Variants in HJURP observed in about 807,000 individuals in gnomAD.
HJURP encodes the protein Holliday junction recognition protein.
Under a neutral mutation model 72.0 loss-of-function variants are expected in HJURP, and 49 were observed. The observed-to-expected ratio is 0.68, with a 90% confidence interval of 0.54 to 0.86. The LOEUF (loss-of-function observed/expected upper bound fraction) is 0.86, where lower values mean the gene tolerates loss of function less well. HJURP is among the 40% of genes least tolerant of loss of function. The pLI is 0.00. For synonymous variants in HJURP, 357 were observed against 347.1 expected, an observed-to-expected ratio of 1.03 and a Z score of -0.32; for missense variants, 908 against 936.3, an observed-to-expected ratio of 0.97 and a Z score of 0.39.
chr2:233,845,865 T>C (rs1705350320), intron 5 of HJURP, 45 bp from the exon 6 acceptor site: 5 of 1,257,138 alleles, frequency 4.0e-6, no homozygotes, highest in Non-Finnish European at 4.6e-6. Context: ...CTTCTGAGTA[T>C]AGCTGACCTT....
chr2:233,848,949 G>A (rs927586486), intron 4 of HJURP, among the ~76,000 whole-genome samples: 4 of 152,244 alleles, frequency 2.6e-5, no homozygotes, highest in Non-Finnish European at 5.9e-5. Context: ...GGGGGCCACA[G>A]AGGCCCAGGC....
At chr2:233,847,517 C>G (rs1705393315) in intron 4 of HJURP, 56 bp from the exon 5 acceptor site, 6 of 1,457,390 alleles carry the variant, frequency 4.1e-6, no homozygotes, top group Non-Finnish European at 4.8e-6. Context: ...GTGCATTTTC[C>G]TCTCAAGGAT....
intron 7 of HJURP, 66 bp downstream of exon 7, chr2:233,844,139 G>T (rs1006340855): frequency 8.5e-6 from 11 of 1,301,662 alleles, no homozygotes; most frequent in Middle Eastern, 1.8e-4. Context: ...GCTCTGAGGG[G>T]CCACGCAGCT....
At chr2:233,842,517 A>T (rs1705258243) in intron 7 of HJURP, among the ~76,000 whole-genome samples, 1 of 152,194 alleles carries the variant, frequency 6.6e-6, no homozygotes, top group African/African-American at 2.4e-5. Context: ...CATGGATGGG[A>T]AGGGGTGTAA....
At position 233,852,566 on chromosome 2, in the gene HJURP, T is replaced by A; in HGVS notation, c.239A>T (p.Gln80Leu). The A allele has an allele frequency of 6.3e-7, 1 of 1,596,226 alleles. No homozygotes were observed. ...LIKERNEGEIQDSSMKPADRT... is the reference protein window; with the variant it reads ...LIKERNEGEILDSSMKPADRT... Reference sequence around the variant, plus strand: ...GCAATAAAATTTGACACTAAATACCTGGATCTCTCCTTCGTTTCTTTCCTT... The same window carrying A: ...GCAATAAAATTTGACACTAAATACCAGGATCTCTCCTTCGTTTCTTTCCTT... Residue 80 changes from glutamine to leucine, a missense_variant and splice_region_variant, in exon 3 of 9, where the codon CAG becomes CTG. Coordinates refer to ENST00000411486, the MANE Select transcript of HJURP (RefSeq NM_018410.5).
intron 4 of HJURP, among the ~76,000 whole-genome samples, chr2:233,849,010 T>C (rs1434690682): frequency 1.3e-5 from 2 of 152,132 alleles, no homozygotes; most frequent in Non-Finnish European, 2.9e-5. Context: ...ACCCAAAGAA[T>C]AAAACCCAAA....
At position 233,841,362 on chromosome 2, in the gene HJURP, C is replaced by G. The variant is rs1312077121; in HGVS notation, c.1418G>C (p.Ser473Thr). 1.9e-6 allele frequency: 3 copies of G among 1,614,054 alleles called. No homozygotes were observed. The South Asian group carries it at 3.3e-5, about 18-fold the overall frequency. ...TTCTAAGCCCTGAAGGCCACCAGGA[C>G]TCGCAGGACCCCCTCTGTACATGTT... ...AMNMYRGGPA[S>T]PGGLQGLETR... Residue 473 changes from serine to threonine, a missense_variant, in exon 8 of 9, where the codon AGT becomes ACT. Transcript: ENST00000411486.
At chr2:233,849,555 T>C (rs10178253) in intron 4 of HJURP, among the ~76,000 whole-genome samples, 3,823 of 152,272 alleles carry the variant, frequency 0.025, 151 homozygotes, top group African/African-American at 0.085. Context: ...CTGAGTACCA[T>C]TCATATGTCA....
intron 4 of HJURP, among the ~76,000 whole-genome samples, chr2:233,847,876 T>C (rs1705406544): frequency 1.3e-5 from 2 of 152,234 alleles, no homozygotes; most frequent in Non-Finnish European, 2.9e-5. Flanking sequence ...GATTTTAAAT[T>C]TTATTTCACT....
rs764962556 is a variant in HJURP, at chr2:233,840,670, C to A, written c.2110G>T (p.Val704Leu). 6.2e-7 allele frequency: 1 copy of A among 1,613,688 alleles called. No homozygotes were observed. Among genetic ancestry groups the A allele is most frequent in the Admixed American group, 1.7e-5 (1 of 59,854 alleles). ...QGNSLGASDGVDNTVRPGDQG... is the reference protein window; with the variant it reads ...QGNSLGASDGLDNTVRPGDQG... The stretch of plus-strand genomic sequence containing the variant: ...TCTCCCGGTCTGACGGTGTTGTCCA[C>A]CCCATCTGAGGCACCCAGGGAATTG... The change falls in exon 8 of 9, where the codon GTG (valine) becomes TTG (leucine). Residue 704 changes from valine to leucine, a missense_variant. Around this residue, in one of 3 missense-constraint regions of HJURP, gnomAD observed 598 missense variants for 619.5 expected, o/e 0.97. Coordinates refer to ENST00000411486, the MANE Select transcript of HJURP (RefSeq NM_018410.5).
intron 5 of HJURP, 83 bp downstream of exon 5, chr2:233,847,314 C>T (rs944406205): frequency 3.4e-5 from 36 of 1,066,258 alleles, no homozygotes; most frequent in Non-Finnish European, 2.0e-5. Context: ...CAGCGCTGCC[C>T]GCCTCAGGCC....
Position 233,841,448 on chromosome 2 carries a change from T to C in HJURP, c.1332A>G (p.Glu444=), listed in dbSNP as rs1411858938. The C allele has an allele frequency of 6.8e-6, 11 of 1,614,222 alleles. No homozygotes were observed. Among genetic ancestry groups the C allele is most frequent in the Non-Finnish European group, 9.3e-6 (11 of 1,180,036 alleles). The change falls in exon 8 of 9, where the codon GAA becomes GAG. Residue 444 remains glutamate (E), a synonymous_variant. Transcript: ENST00000411486. ...IEIRFDQLHR[E]YCLSPRNQPR... Reference sequence around the variant, plus strand: ...GCTGGTTCCTGGGACTCAGGCAATATTCCCGATGAAGCTGATCAAATCGGA... The same window carrying C: ...GCTGGTTCCTGGGACTCAGGCAATACTCCCGATGAAGCTGATCAAATCGGA...
intron 5 of HJURP, 125 bp downstream of exon 5, chr2:233,847,272 G>A (rs1311313981): frequency 4.1e-6 from 3 of 723,388 alleles, no homozygotes; most frequent in Non-Finnish European, 7.4e-6. Flanking sequence ...GCAAAAGCCA[G>A]CCTCAGGAGA....
In HJURP at chr2:233,840,994, G is replaced by A. The variant is rs768261748; in HGVS notation, c.1786C>T (p.Pro596Ser). The A allele has an allele frequency of 2.5e-6, 4 of 1,614,024 alleles. No homozygotes were observed. The highest frequency in any genetic ancestry group is 1.7e-5 in the Admixed American group (1 of 60,006). The part of the protein sequence containing the change: ...KLHQKYCLKS[P>S]GQMTVPLCIG... ...CATAAAGGCACTGTCATCTGCCCAG[G>A]AGATTTGAGGCAATACTTTTGATGA... The change falls in exon 8 of 9, where the codon CCT becomes TCT. Residue 596 changes from proline (P) to serine (S), a missense_variant. Coordinates refer to ENST00000411486, the MANE Select transcript of HJURP (RefSeq NM_018410.5).
intron 3 of HJURP, among the ~76,000 whole-genome samples, chr2:233,851,731 C>T (rs1162716996): frequency 6.6e-6 from 1 of 152,142 alleles, no homozygotes; most frequent in Non-Finnish European, 1.5e-5. Context: ...TAGTGACCAT[C>T]TTTGCAGAGA....
At chr2:233,853,790 C>G in intron 2 of HJURP, 54 bp downstream of exon 2, 9 of 1,418,542 alleles carry the variant, frequency 6.3e-6, no homozygotes, top group Non-Finnish European at 9.9e-7. Flanking sequence ...AGCATTTCAA[C>G]TACTCCATTC....
intron 8 of HJURP, among the ~76,000 whole-genome samples, chr2:233,840,216 T>C (rs1478878897): frequency 2.0e-5 from 3 of 152,236 alleles, no homozygotes; most frequent in African/African-American, 7.2e-5. Context: ...TAGGAAGTCA[T>C]TCGCTTTAGA....
chr2:233,847,941 T>C (rs1325737169), intron 4 of HJURP, among the ~76,000 whole-genome samples: 1 of 152,228 alleles, frequency 6.6e-6, no homozygotes, highest in Admixed American at 6.5e-5. Flanking sequence ...TACTGGGCAG[T>C]ACATCTATCA....
chr2:233,850,801 C>T (rs534720194), intron 3 of HJURP, among the ~76,000 whole-genome samples: 5 of 101,470 alleles, frequency 4.9e-5, no homozygotes, highest in South Asian at 3.1e-4. Flanking sequence ...GAGAAGCAGA[C>T]GATCTACACC....
Sources: gnomAD v4.1 joint callset for allele counts (sites outside exome capture counted in the v4.1 genomes callset) on GRCh38, gnomAD v4.1.1 for gene constraint, gnomAD v4.1.1 regional missense constraint, MANE v1.5 for transcripts, NCBI Gene and HGNC (gene_info 2026-07-23, HGNC 2026-07-21) for gene names.